EPHA7: variants seen among roughly 807,000 people sequenced by gnomAD.
The protein encoded by EPHA7 is ephrin type-A receptor 7.
EPHA7 carries 25 observed loss-of-function variants against 112.6 expected under a neutral mutation model. The ratio of observed to expected loss-of-function variants is 0.22; its 90% CI spans 0.16 to 0.31. The LOEUF (loss-of-function observed/expected upper bound fraction) is 0.31, where lower values mean the gene tolerates loss of function less well. Among genes scored for constraint, EPHA7 ranks in the 10% least tolerant of loss-of-function variants. The probability of loss-of-function intolerance (pLI) is 1.00; values close to 1 mark genes in which losing one functional copy is unlikely to be tolerated. For synonymous variants in EPHA7, 437 were observed against 406.5 expected (o/e 1.07, Z -0.90); for missense variants, 962 against 1,212.6 (o/e 0.79, Z 3.07).
In EPHA7 at chr6:93,243,253, T is replaced by A. The variant is rs913481867; in HGVS notation, c.*173A>T. 5.7e-5 allele frequency: 26 copies of A among 453,342 alleles called. No individual in the cohort carries two copies. Among genetic ancestry groups the A allele is most frequent in the East Asian group, 3.2e-4 (10 of 31,256 alleles). 28.1% of individuals were successfully genotyped at this position (453,342 alleles called of 1,614,324 possible). A position where few individuals can be genotyped will look rare whatever the true frequency, so the allele number is the denominator to read the frequency against. Reference sequence around the variant, plus strand: ...TGGTGGATCCTAAATTCCCTTTTTATATATTCTGGTGGCACTTAGGAGTTC... The same window carrying A: ...TGGTGGATCCTAAATTCCCTTTTTAAATATTCTGGTGGCACTTAGGAGTTC... On this transcript the variant is annotated 3_prime_UTR_variant, in exon 17 of 17. Transcript: ENST00000369303.
chr6:93,244,846 T>G (rs1769875798), intron 16 of EPHA7, among the ~76,000 whole-genome samples: 1 of 152,176 alleles, frequency 6.6e-6, no homozygotes, highest in Admixed American at 6.6e-5. Flanking sequence ...TTATTTAAGT[T>G]CAACACAAAC....
At chr6:93,279,618 G>C (rs1276566647) in intron 5 of EPHA7, among the ~76,000 whole-genome samples, 1 of 152,054 alleles carries the variant, frequency 6.6e-6, no homozygotes, top group African/African-American at 2.4e-5. Context: ...AATTTATTTG[G>C]TTATTATTAT....
chr6:93,397,544 C>A (rs1172182734), intron 3 of EPHA7, among the ~76,000 whole-genome samples: 3 of 151,670 alleles, frequency 2.0e-5, no homozygotes, highest in Non-Finnish European at 4.4e-5. Flanking sequence ...GATTTATCAC[C>A]CCCAAAGATG....
intron 5 of EPHA7, among the ~76,000 whole-genome samples, chr6:93,334,614 A>C (rs13193100): frequency 6.6e-6 from 1 of 152,082 alleles, no homozygotes; most frequent in Non-Finnish European, 1.5e-5. Flanking sequence ...CTACTAGAGA[A>C]CAAACTTAAT....
At chr6:93,284,512 C>G (rs544316574) in intron 5 of EPHA7, among the ~76,000 whole-genome samples, 9 of 152,216 alleles carry the variant, frequency 5.9e-5, no homozygotes, top group Middle Eastern at 3.4e-3. Context: ...CTCATTAATA[C>G]TACCTCATTT....
At chr6:93,393,426 TAGA>T (rs1253320893) in intron 3 of EPHA7, among the ~76,000 whole-genome samples, 2 of 151,848 alleles carry the variant, frequency 1.3e-5, no homozygotes, top group Non-Finnish European at 2.9e-5. Context: ...CTTTTAGTCT[TAGA>T]AGTTTCCATC....
intron 3 of EPHA7, among the ~76,000 whole-genome samples, chr6:93,376,809 A>G (rs757214186): frequency 2.6e-5 from 4 of 152,168 alleles, no homozygotes; most frequent in African/African-American, 4.8e-5. Context: ...GAAGACCCTC[A>G]AAACATAAAT....
At chr6:93,325,510 T>G (rs1031733964) in intron 5 of EPHA7, among the ~76,000 whole-genome samples, 2 of 151,368 alleles carry the variant, frequency 1.3e-5, no homozygotes, top group African/African-American at 4.8e-5. Flanking sequence ...AAATTTAATA[T>G]CTATCATCCA....
intron 5 of EPHA7, among the ~76,000 whole-genome samples, chr6:93,325,986 G>T (rs144828533): frequency 6.6e-6 from 1 of 151,294 alleles, no homozygotes; most frequent in South Asian, 2.1e-4. Context: ...TCCTCTCTTC[G>T]CCATCAATGA....
intron 15 of EPHA7, 121 bp downstream of exon 15, chr6:93,246,671 T>A: frequency 1.3e-6 from 1 of 754,968 alleles, no homozygotes. Context: ...GCAATACATT[T>A]AATATGAGTT....
intron 5 of EPHA7, among the ~76,000 whole-genome samples, chr6:93,282,318 G>A (rs1322945791): frequency 6.6e-6 from 1 of 152,194 alleles, no homozygotes; most frequent in Non-Finnish European, 1.5e-5. Context: ...AACACTGAGT[G>A]CTTAATAGGT....
intron 3 of EPHA7, among the ~76,000 whole-genome samples, chr6:93,383,150 G>C (rs1777425025): frequency 6.6e-6 from 1 of 151,622 alleles, no homozygotes; most frequent in South Asian, 2.1e-4. Flanking sequence ...CACTTACCAA[G>C]CATTTATTTT....
chr6:93,259,437 T>C lies in EPHA7; in HGVS notation c.1841A>G (p.Tyr614Cys), dbSNP rs1330278383. The C allele has an allele frequency of 3.7e-6, 6 of 1,612,072 alleles. No homozygotes were observed. Among genetic ancestry groups the C allele is most frequent in the Middle Eastern group, 1.7e-4 (1 of 6,046 alleles). The change falls in exon 10 of 17, where the codon TAT becomes TGT. Residue 614 changes from tyrosine (Y) to cysteine (C), a missense_variant. Tyr to Cys is a radical substitution (Grantham distance 194). Transcript: ENST00000369303. ...GTKTYIDPET[Y>C]EDPNRAVHQF... ...ATGGACAGCTCTATTTGGGTCCTCA[T>C]AGGTTTCAGGGTCAATGTAGGTTTT...
intron 3 of EPHA7, among the ~76,000 whole-genome samples, chr6:93,366,138 AAG>A (rs1776496324): frequency 6.6e-6 from 1 of 152,234 alleles, no homozygotes; most frequent in African/African-American, 2.4e-5. Context: ...AATGATAAAA[AAG>A]AAAAAAAAAG....
intron 3 of EPHA7, among the ~76,000 whole-genome samples, chr6:93,376,260 C>A (rs181331191): frequency 5.9e-5 from 9 of 152,228 alleles, no homozygotes; most frequent in Admixed American, 5.9e-4. Context: ...CCACCTCAGC[C>A]TCCTGAGCAG....
chr6:93,268,678 A>G (rs1771065881), intron 7 of EPHA7, among the ~76,000 whole-genome samples: 1 of 151,732 alleles, frequency 6.6e-6, no homozygotes, highest in East Asian at 1.9e-4. Context: ...AGTGGTATTC[A>G]GGGTGTTCTG....
At chr6:93,293,318 T>C (rs1161810259) in intron 5 of EPHA7, among the ~76,000 whole-genome samples, 1 of 152,084 alleles carries the variant, frequency 6.6e-6, no homozygotes, top group Admixed American at 6.6e-5. Context: ...ATTTAGGTAT[T>C]TAGTATTAAG....
chr6:93,277,214 C>T (rs1384628718), intron 5 of EPHA7, among the ~76,000 whole-genome samples: 2 of 151,838 alleles, frequency 1.3e-5, no homozygotes, highest in Admixed American at 6.6e-5. Flanking sequence ...TTAAAATATA[C>T]AACTTTTAGC....
intron 3 of EPHA7, among the ~76,000 whole-genome samples, chr6:93,386,296 A>G (rs550206439): frequency 6.6e-6 from 1 of 152,346 alleles, no homozygotes; most frequent in African/African-American, 2.4e-5. Flanking sequence ...CAATGGGGGT[A>G]CAGGCATTGG....
Sources: allele counts gnomAD v4.1 joint callset (sites outside exome capture counted in the v4.1 genomes callset), GRCh38; gene constraint gnomAD v4.1.1; transcripts MANE v1.5; gene names NCBI Gene and HGNC (gene_info 2026-07-23, HGNC 2026-07-21).